TFAP2D: variants seen among roughly 807,000 people sequenced by gnomAD.
TFAP2D encodes transcription factor AP-2 delta.
A neutral mutation model predicts 43.6 loss-of-function variants in TFAP2D; 9 were observed. The ratio of observed to expected loss-of-function variants is 0.21; its 90% CI spans 0.12 to 0.36. The LOEUF is 0.36. Among genes scored for constraint, TFAP2D ranks in the 10% least tolerant of loss-of-function variants. The probability of loss-of-function intolerance (pLI) is 1.00; values close to 1 mark genes in which losing one functional copy is unlikely to be tolerated. For missense variants in TFAP2D, 513 were observed against 561.4 expected (o/e 0.91, Z 0.87); for synonymous variants, 256 against 224.9 (o/e 1.14, Z -1.24).
intron 5 of TFAP2D, among the ~76,000 whole-genome samples, chr6:50,740,388 T>G (rs1769024082): frequency 6.6e-6 from 1 of 152,128 alleles, no homozygotes; most frequent in South Asian, 2.1e-4. Context: ...TGTAAAGTAA[T>G]TTTTTTAAAA....
At chr6:50,757,045 C>T (rs1769274957) in intron 7 of TFAP2D, among the ~76,000 whole-genome samples, 1 of 151,778 alleles carries the variant, frequency 6.6e-6, no homozygotes, top group South Asian at 2.1e-4. Flanking sequence ...ATCTTGAAGG[C>T]TCAGTCCAGG....
At chr6:50,718,259 A>T (rs1561930543) in intron 2 of TFAP2D, 2 of 152,142 alleles carry the variant, frequency 1.3e-5, no homozygotes, top group Non-Finnish European at 2.9e-5. Context: ...AAAGGGAGCC[A>T]GGGTTGTAAA....
chr6:50,719,606 A>G (rs113126812), intron 3 of TFAP2D, among the ~76,000 whole-genome samples: 27 of 152,318 alleles, frequency 1.8e-4, no homozygotes, highest in Non-Finnish European at 2.6e-4. Context: ...GGTGTTTGAG[A>G]TGATGGTGTT....
At chr6:50,717,042 C>A (rs775832232) in intron 2 of TFAP2D, among the ~76,000 whole-genome samples, 12 of 152,156 alleles carry the variant, frequency 7.9e-5, no homozygotes, top group Admixed American at 4.6e-4. Flanking sequence ...ACATTTTTCA[C>A]AAGGATCCCC....
At chr6:50,726,803 T>C (rs923449571) in intron 3 of TFAP2D, among the ~76,000 whole-genome samples, 1 of 152,128 alleles carries the variant, frequency 6.6e-6, no homozygotes, top group Non-Finnish European at 1.5e-5. Flanking sequence ...AAAAGTGAAA[T>C]GGTAGTCTTA....
chr6:50,745,806 G>A (rs1769118019), intron 6 of TFAP2D, among the ~76,000 whole-genome samples: 1 of 151,796 alleles, frequency 6.6e-6, no homozygotes, highest in African/African-American at 2.4e-5. Context: ...AAGGTATAAT[G>A]TATTTCAAAG....
chr6:50,752,971 G>A (rs573553910), intron 7 of TFAP2D, among the ~76,000 whole-genome samples: 2 of 151,942 alleles, frequency 1.3e-5, no homozygotes, highest in South Asian at 2.1e-4. Context: ...GCTAAAATGA[G>A]ATAAAGAATG....
At position 50,745,256 on chromosome 6, in the gene TFAP2D, G is replaced by A. The variant is rs1266776096; in HGVS notation, c.1025+8G>A. 6 of 1,613,066 alleles carry A rather than the reference G, an allele frequency of 3.7e-6. No individual in the cohort carries two copies. The highest frequency in any genetic ancestry group is 5.1e-6 in the Non-Finnish European group (6 of 1,179,566). ...GATGATCCTGGCGACCAAGTAAGCA[G>A]AATGGGGAAACCTCTGTGTGCTTTC... On this transcript the variant is annotated splice_region_variant and intron_variant, in intron 6 of 7. Transcript: ENST00000008391.
intron 5 of TFAP2D, among the ~76,000 whole-genome samples, chr6:50,739,208 C>T (rs1218142561): frequency 6.6e-6 from 1 of 152,122 alleles, no homozygotes; most frequent in African/African-American, 2.4e-5. Flanking sequence ...TCTCCTAATG[C>T]TATCCCTCTC....
intron 7 of TFAP2D, among the ~76,000 whole-genome samples, chr6:50,771,044 CTACAGT>C: frequency 6.6e-6 from 1 of 152,332 alleles, no homozygotes; most frequent in East Asian, 1.9e-4. Flanking sequence ...AAGACTAAAT[CTACAGT>C]TATGTGTTTG....
At chr6:50,742,723 G>C (rs752719208) in intron 5 of TFAP2D, among the ~76,000 whole-genome samples, 2 of 152,040 alleles carry the variant, frequency 1.3e-5, no homozygotes, top group Non-Finnish European at 2.9e-5. Context: ...CATGTAACTT[G>C]ACTTGCTGTA....
At position 50,745,200 on chromosome 6, in the gene TFAP2D, T is replaced by C. The variant is rs1769108519; in HGVS notation, c.977T>C (p.Met326Thr). Residue 326 changes from methionine to threonine, a missense_variant, in exon 6 of 8, where the codon ATG becomes ACG. Met to Thr is a moderately conservative substitution (Grantham distance 81). Transcript: ENST00000008391. ...AVGEHLARQH[M>T]EQKEQTARKK... ...GGAGAACATCTTGCCAGACAACATA[T>C]GGAACAGAAAGAACAGACAGCAAGA... 6 of 1,613,628 alleles carry C rather than the reference T, an allele frequency of 3.7e-6. No individual in the cohort carries two copies. The highest frequency in any genetic ancestry group is 5.1e-6 in the Non-Finnish European group (6 of 1,179,766).
intron 7 of TFAP2D, among the ~76,000 whole-genome samples, chr6:50,771,149 G>T (rs1769523045): frequency 6.6e-6 from 1 of 152,162 alleles, no homozygotes; most frequent in South Asian, 2.1e-4. Context: ...ATTAGTTTTT[G>T]TTATTAGTTA....
intron 7 of TFAP2D, among the ~76,000 whole-genome samples, chr6:50,763,180 A>G (rs1002612421): frequency 2.6e-5 from 4 of 152,138 alleles, no homozygotes; most frequent in African/African-American, 4.8e-5. Flanking sequence ...GTTCTGTTAT[A>G]CAATGCAGAA....
At chr6:50,723,187 A>T (rs1035228032) in intron 3 of TFAP2D, among the ~76,000 whole-genome samples, 2 of 151,006 alleles carry the variant, frequency 1.3e-5, no homozygotes, top group African/African-American at 4.9e-5. Context: ...TAATTTCTTT[A>T]AAAAAAAAAT....
At chr6:50,725,453 A>G (rs949135041) in intron 3 of TFAP2D, among the ~76,000 whole-genome samples, 2 of 152,230 alleles carry the variant, frequency 1.3e-5, no homozygotes, top group African/African-American at 4.8e-5. Flanking sequence ...TGTGAACTGT[A>G]TATGGAAAAG....
chr6:50,732,952 C>A (rs1391837047), intron 5 of TFAP2D, among the ~76,000 whole-genome samples: 3 of 151,924 alleles, frequency 2.0e-5, no homozygotes, highest in Admixed American at 6.6e-5. Flanking sequence ...CATATTAGAG[C>A]CATTATTCTT....
chr6:50,714,211 G>C (rs1267003742), intron 1 of TFAP2D, 117 bp downstream of exon 1: 8 of 1,078,728 alleles, frequency 7.4e-6, no homozygotes, highest in South Asian at 4.3e-5. Context: ...ATATTGGACC[G>C]TTACGTTTAA....
In TFAP2D at chr6:50,715,698, G is replaced by A. The variant is rs1344214203; in HGVS notation, c.537+85G>A. 3 of 1,431,480 alleles carry A rather than the reference G, an allele frequency of 2.1e-6. No homozygotes were observed. In the East Asian group the frequency reaches 6.9e-5, roughly 33 times the overall value. The allele number at this position is 1,431,480 out of a possible 1,614,324, so 88.7% of individuals were successfully genotyped here. A position where few individuals can be genotyped will look rare whatever the true frequency, so the allele number is the denominator to read the frequency against. Reference sequence around the variant, plus strand: ...CCCATTAATGCTCCGACTGTAAAGCGTCTCTCTTTCTCTCTCTCTTCTCCT... The same window carrying A: ...CCCATTAATGCTCCGACTGTAAAGCATCTCTCTTTCTCTCTCTCTTCTCCT... On this transcript the variant is annotated intron_variant, in intron 2 of 7. Transcript: ENST00000008391.
Sources: gnomAD v4.1 joint callset for allele counts (sites outside exome capture counted in the v4.1 genomes callset) on GRCh38, gnomAD v4.1.1 for gene constraint, MANE v1.5 for transcripts, NCBI Gene and HGNC (gene_info 2026-07-23, HGNC 2026-07-21) for gene names.